The following WWOX variants were observed in gnomAD, a reference collection of about 807,000 sequenced individuals.
WWOX encodes the protein WW domain containing oxidoreductase, also known as WW domain-containing oxidoreductase.
In WWOX, 69 loss-of-function variants were observed where a neutral mutation model predicts 46.2. The ratio of observed to expected loss-of-function variants is 1.49; its 90% CI spans 1.23 to 1.82. The LOEUF (loss-of-function observed/expected upper bound fraction) is 1.82. Ranked by LOEUF, WWOX falls within the 40% of genes most tolerant of loss-of-function variation. The probability of loss-of-function intolerance (pLI) is 0.00; values close to 1 mark genes in which losing one functional copy is unlikely to be tolerated. For synonymous variants in WWOX, 359 were observed against 202.6 expected, an observed-to-expected ratio of 1.77 and a Z score of -6.56; for missense variants, 919 against 542.6, an observed-to-expected ratio of 1.69 and a Z score of -6.89.
chr16:78,395,869 A>T (rs1317255100), intron 6 of WWOX, among the ~76,000 whole-genome samples: 1 of 152,116 alleles, frequency 6.6e-6, no homozygotes, highest in Non-Finnish European at 1.5e-5. Context: ...GTAAATGCTT[A>T]GATTCCATTT....
At chr16:78,277,242 G>T (rs145972947) in intron 5 of WWOX, among the ~76,000 whole-genome samples, 1 of 152,126 alleles carries the variant, frequency 6.6e-6, no homozygotes, top group Non-Finnish European at 1.5e-5. Context: ...GAGAAGCTCC[G>T]ATTTTCTTGT....
chr16:78,262,116 A>T (rs2079258484), intron 5 of WWOX, among the ~76,000 whole-genome samples: 1 of 150,666 alleles, frequency 6.6e-6, no homozygotes, highest in Admixed American at 6.6e-5. Flanking sequence ...AAAAAAAAAA[A>T]AAAGAAGGAA....
chr16:78,793,684 C>T (rs148954064), intron 8 of WWOX, among the ~76,000 whole-genome samples: 30 of 152,154 alleles, frequency 2.0e-4, no homozygotes, highest in African/African-American at 7.0e-4. Context: ...ATGGAAATAA[C>T]TTATAATTAC....
At chr16:79,169,472 A>G (rs1487831106) in intron 8 of WWOX, among the ~76,000 whole-genome samples, 1 of 152,164 alleles carries the variant, frequency 6.6e-6, no homozygotes, top group South Asian at 2.1e-4. Context: ...TGGAATTCTT[A>G]AAAGCTGGGC....
chr16:79,115,040 C>G (rs543419878), intron 8 of WWOX, among the ~76,000 whole-genome samples: 2 of 152,338 alleles, frequency 1.3e-5, no homozygotes, highest in East Asian at 3.9e-4. Flanking sequence ...CAAGTTCCTG[C>G]CTGCTCTGAT....
chr16:78,888,129 C>G (rs549002306), intron 8 of WWOX, among the ~76,000 whole-genome samples: 1 of 152,204 alleles, frequency 6.6e-6, no homozygotes, highest in Admixed American at 6.5e-5. Flanking sequence ...AGTGTCAGTG[C>G]CATTTACAAC....
chr16:78,554,320 CTAAG>C (rs1056352585), intron 8 of WWOX, among the ~76,000 whole-genome samples: 1 of 152,022 alleles, frequency 6.6e-6, no homozygotes, highest in African/African-American at 2.4e-5. Flanking sequence ...TATTGGAACA[CTAAG>C]TATGTGGGAA....
At chr16:78,798,756 T>G (rs1165611197) in intron 8 of WWOX, among the ~76,000 whole-genome samples, 1 of 152,302 alleles carries the variant, frequency 6.6e-6, no homozygotes. Flanking sequence ...TTGTGTGTAA[T>G]TTTTCTACTA....
At chr16:78,787,488 T>G (rs2050486647) in intron 8 of WWOX, among the ~76,000 whole-genome samples, 3 of 152,252 alleles carry the variant, frequency 2.0e-5, no homozygotes, top group African/African-American at 7.2e-5. Flanking sequence ...TTGTAGAATG[T>G]ATCAGTACTT....
At chr16:78,503,905 A>C (rs1597178089) in intron 8 of WWOX, 1 of 152,264 alleles carries the variant, frequency 6.6e-6, no homozygotes, top group Admixed American at 6.5e-5. Flanking sequence ...TATAATATGC[A>C]TGCGACTAAG....
At chr16:79,018,096 G>C (rs1305722764) in intron 8 of WWOX, among the ~76,000 whole-genome samples, 1 of 152,192 alleles carries the variant, frequency 6.6e-6, no homozygotes, top group Non-Finnish European at 1.5e-5. Flanking sequence ...ATGAGCAAAA[G>C]GATTTCCATT....
chr16:78,387,626 C>G (rs557736243), intron 6 of WWOX, among the ~76,000 whole-genome samples: 1 of 152,128 alleles, frequency 6.6e-6, no homozygotes, highest in South Asian at 2.1e-4. Context: ...AGGCCTCAAA[C>G]CCTGAAACAC....
chr16:78,494,615 C>G (rs747442875), intron 8 of WWOX, among the ~76,000 whole-genome samples: 1 of 152,046 alleles, frequency 6.6e-6, no homozygotes, highest in Non-Finnish European at 1.5e-5. Context: ...CTGTGTGAAC[C>G]CCACACAGGT....
At chr16:78,383,153 AG>A (rs1227521447) in intron 5 of WWOX, among the ~76,000 whole-genome samples, 3 of 151,672 alleles carry the variant, frequency 2.0e-5, no homozygotes, top group African/African-American at 7.3e-5. Flanking sequence ...CCCCACCTCC[AG>A]TATTGGGGAT....
intron 5 of WWOX, among the ~76,000 whole-genome samples, chr16:78,213,080 C>A (rs1316772351): frequency 1.3e-5 from 2 of 151,738 alleles, no homozygotes; most frequent in Non-Finnish European, 2.9e-5. Flanking sequence ...TGGTGAAACT[C>A]CATGTCTACT....
intron 8 of WWOX, among the ~76,000 whole-genome samples, chr16:79,172,101 T>C (rs560772378): frequency 3.3e-5 from 5 of 152,206 alleles, no homozygotes; most frequent in South Asian, 2.1e-4. Flanking sequence ...TCTGTCACCA[T>C]GTAGCAGGTG....
At chr16:78,231,384 A>C (rs2037256375) in intron 5 of WWOX, among the ~76,000 whole-genome samples, 1 of 152,206 alleles carries the variant, frequency 6.6e-6, no homozygotes, top group African/African-American at 2.4e-5. Flanking sequence ...ATCAACTTGC[A>C]GCTGTGACTA....
chr16:78,783,681 A>T (rs963465349), intron 8 of WWOX, among the ~76,000 whole-genome samples: 4 of 152,138 alleles, frequency 2.6e-5, no homozygotes, highest in African/African-American at 9.7e-5. Context: ...TCTGAATAAA[A>T]GTATGATGAT....
chr16:79,005,936 A>T (rs907065507), intron 8 of WWOX, among the ~76,000 whole-genome samples: 1 of 152,170 alleles, frequency 6.6e-6, no homozygotes, highest in Non-Finnish European at 1.5e-5. Flanking sequence ...GGAGAAACCC[A>T]TCCATACTCT....
Sources: gnomAD v4.1 joint callset for allele counts (sites outside exome capture counted in the v4.1 genomes callset) on GRCh38, gnomAD v4.1.1 for gene constraint, MANE v1.5 for transcripts, NCBI Gene and HGNC (gene_info 2026-07-23, HGNC 2026-07-21) for gene names.